NCOR2: variants seen among roughly 807,000 people sequenced by gnomAD.
NCOR2 encodes the protein CTG repeat protein 26.
NCOR2 carries 81 observed loss-of-function variants against 262.9 expected under a neutral mutation model. The ratio of observed to expected loss-of-function variants is 0.31; its 90% CI spans 0.26 to 0.37. The LOEUF (loss-of-function observed/expected upper bound fraction) is 0.37. Ranked by LOEUF, NCOR2 falls within the 10% of genes least tolerant of loss-of-function variation. NCOR2 has a pLI of 1.00. For missense variants in NCOR2, 3,385 were observed against 3,621.4 expected, an observed-to-expected ratio of 0.93 and a Z score of 1.68; for synonymous variants, 1,659 against 1,559.3, an observed-to-expected ratio of 1.06 and a Z score of -1.51.
intron 38 of NCOR2, chr12:124,336,382 T>C (rs1279102758): frequency 5.1e-6 from 1 of 197,226 alleles, no homozygotes; most frequent in Non-Finnish European, 1.0e-5. Context: ...CACAGATCCA[T>C]TCATTAAAGA....
intron 28 of NCOR2, 96 bp downstream of exon 30, chr12:124,350,491 T>G: frequency 6.7e-7 from 1 of 1,491,536 alleles, no homozygotes; most frequent in Non-Finnish European, 9.1e-7. Context: ...TTGTGCTTTC[T>G]GATGTCAATC....
chr12:124,348,757 A>G (rs1244061), intron 28 of NCOR2: 85,137 of 179,092 alleles, frequency 0.48, 21,804 homozygotes, highest in Middle Eastern at 0.6. Context: ...CCGATACATC[A>G]GCAGCAGAGT....
intron 4 of NCOR2, among the ~76,000 whole-genome samples, chr12:124,469,717 G>T (rs186939047): frequency 6.6e-6 from 1 of 152,204 alleles, no homozygotes; most frequent in Non-Finnish European, 1.5e-5. Flanking sequence ...TCATAAGGTT[G>T]TTTGGAAGAT....
At chr12:124,554,538 G>A (rs1313555358) in intron 1 of NCOR2, among the ~76,000 whole-genome samples, 1 of 152,172 alleles carries the variant, frequency 6.6e-6, no homozygotes, top group Non-Finnish European at 1.5e-5. Flanking sequence ...TGTGCCCTCC[G>A]CACCTCCAAG....
At chr12:124,393,401 C>T (rs1438896639) in intron 16 of NCOR2, among the ~76,000 whole-genome samples, 23 of 152,222 alleles carry the variant, frequency 1.5e-4, no homozygotes, top group Non-Finnish European at 4.4e-5. Context: ...TGCTCACTTG[C>T]CCACCAGAAA....
intron 1 of NCOR2, among the ~76,000 whole-genome samples, chr12:124,489,663 T>TCC (rs2047973629): frequency 6.6e-6 from 1 of 151,952 alleles, no homozygotes; most frequent in African/African-American, 2.4e-5. Flanking sequence ...ATGGCACCTC[T>TCC]GAAGCTGGAA....
At chr12:124,420,149 C>G (rs945052471) in intron 12 of NCOR2, 94 bp from the exon 15 acceptor site, 17 of 1,014,040 alleles carry the variant, frequency 1.7e-5, no homozygotes, top group Non-Finnish European at 2.6e-5. Flanking sequence ...TATCCTGCCT[C>G]TTCCACGTAC....
intron 6 of NCOR2, among the ~76,000 whole-genome samples, chr12:124,453,435 G>A (rs149334861): frequency 4.2e-4 from 64 of 152,304 alleles, no homozygotes; most frequent in East Asian, 1.7e-3. Flanking sequence ...CTCAGCCTCC[G>A]TCTCCTCTAA....
At position 124,347,926 on chromosome 12, in the gene NCOR2, G is replaced by A. The variant is rs762699732; in HGVS notation, c.3986-15C>T. The A allele has an allele frequency of 1.3e-6, 2 of 1,555,386 alleles. No individual in the cohort carries two copies. The highest frequency in any genetic ancestry group is 2.4e-5 in the East Asian group (1 of 41,350). On this transcript the variant is annotated splice_polypyrimidine_tract_variant and intron_variant, in intron 29 of 46. Coordinates refer to ENST00000405201, the Ensembl canonical transcript of NCOR2. ...GCCCATGAGACCTGGGTAGGAGAGG[G>A]TGAGGCCATCATTCCGTGGCTCCCT...
exon 41 of NCOR2, chr12:124,334,450 G>A (rs2035700857): frequency 6.7e-7 from 1 of 1,499,360 alleles, no homozygotes; most frequent in Admixed American, 2.4e-5. Flanking sequence ...TGTGGGGGGA[G>A]CCACGGGCCG....
At chr12:124,524,463 G>A (rs1301520722) in intron 1 of NCOR2, among the ~76,000 whole-genome samples, 1 of 152,186 alleles carries the variant, frequency 6.6e-6, no homozygotes, top group Non-Finnish European at 1.5e-5. Context: ...GATGCCAGGT[G>A]ACTCTCCTTC....
Position 124,457,244 on chromosome 12 carries a change from G to A in NCOR2, c.706-82C>T, listed in dbSNP as rs560201788. ...ATAAATAGAGGCTTCCCGGAGCAGC[G>A]GGCACCTGCCCAGCCCAGTCCAGCA... On this transcript the variant is annotated intron_variant, in intron 5 of 46. Transcript: ENST00000405201. This position sits in a 1 kb window ranked among gnomAD's most constrained non-coding sequence, Gnocchi z 4.0. The A allele has an allele frequency of 8.5e-6, 12 of 1,411,616 alleles. No homozygotes were observed. The East Asian group carries it at 8.9e-5, about 10-fold the overall frequency. 87.4% of individuals were successfully genotyped at this position (1,411,616 alleles called of 1,614,324 possible).
chr12:124,546,751 A>G (rs1346096723), intron 1 of NCOR2, among the ~76,000 whole-genome samples: 1 of 152,080 alleles, frequency 6.6e-6, no homozygotes, highest in Non-Finnish European at 1.5e-5. Context: ...TCTAAGTAGC[A>G]TGATGAGATC....
intron 18 of NCOR2, among the ~76,000 whole-genome samples, chr12:124,375,178 T>A (rs2039891082): frequency 6.6e-6 from 1 of 152,226 alleles, no homozygotes; most frequent in Admixed American, 6.5e-5. Flanking sequence ...TCCTGTGTCC[T>A]TAACCCCTGG....
At chr12:124,348,067 G>A in intron 29 of NCOR2, 107 bp downstream of exon 31, 1 of 1,541,878 alleles carries the variant, frequency 6.5e-7, no homozygotes, top group East Asian at 2.3e-5. Flanking sequence ...TCCAGATGGA[G>A]CCTCAGAAAG....
At chr12:124,500,356 A>G (rs2048632819) in intron 1 of NCOR2, among the ~76,000 whole-genome samples, 1 of 152,278 alleles carries the variant, frequency 6.6e-6, no homozygotes. Flanking sequence ...GGAGGTAGCA[A>G]ACACACAAGT....
chr12:124,489,334 T>C (rs1411460209), intron 1 of NCOR2, among the ~76,000 whole-genome samples: 1 of 152,196 alleles, frequency 6.6e-6, no homozygotes, highest in African/African-American at 2.4e-5. Context: ...TATTAGTTAA[T>C]TTCATCCCTA....
chr12:124,460,541 G>T (rs917814590), intron 5 of NCOR2, among the ~76,000 whole-genome samples: 3 of 152,190 alleles, frequency 2.0e-5, no homozygotes, highest in African/African-American at 7.2e-5. Flanking sequence ...TCCCGGATGT[G>T]CCTGGCCTTT....
chr12:124,490,423 T>G (rs961745390), intron 1 of NCOR2, among the ~76,000 whole-genome samples: 3 of 151,222 alleles, frequency 2.0e-5, no homozygotes, highest in Non-Finnish European at 4.4e-5. Context: ...GATGGATGGA[T>G]GGATGGATGG....
Sources: gnomAD v4.1 joint callset for allele counts (sites outside exome capture counted in the v4.1 genomes callset) on GRCh38, gnomAD v4.1.1 for gene constraint, Gnocchi (gnomAD v3.1) non-coding constraint, MANE v1.5 for transcripts, NCBI Gene and HGNC (gene_info 2026-07-23, HGNC 2026-07-21) for gene names.